Variants in KCTD14 observed in about 807,000 individuals in gnomAD.
The protein encoded by KCTD14 is potassium channel tetramerization domain containing 14, also known as BTB/POZ domain-containing protein KCTD14.
KCTD14 carries 7 observed loss-of-function variants against 5.9 expected under a neutral mutation model. The ratio of observed to expected loss-of-function variants is 1.19; its 90% CI spans 0.68 to 2.23. The LOEUF (loss-of-function observed/expected upper bound fraction) is 2.23. KCTD14 is among the 30% of genes most tolerant of loss of function. The pLI is 0.00. For synonymous variants in KCTD14, 140 were observed against 133.1 expected (o/e 1.05, Z -0.36); for missense variants, 342 against 332.2 (o/e 1.03, Z -0.23).
chr11:78,025,114 G>GTA (rs1311073204), upstream of KCTD14, among the ~76,000 whole-genome samples: 1,032 of 66,362 alleles, frequency 0.016, 8 homozygotes, highest in Non-Finnish European at 0.02. Context: ...GTGTGTGTGT[G>GTA]TGTGTATATA....
chr11:78,038,883 G>GAA, intron 1 of KCTD14: 1 of 1,147,050 alleles, frequency 8.7e-7, no homozygotes. Context: ...GGCTACTGCT[G>GAA]CTGTGGTCAC....
chr11:78,024,411 T>TATACACAC (rs1456026280), upstream of KCTD14, among the ~76,000 whole-genome samples: 2 of 116,850 alleles, frequency 1.7e-5, no homozygotes, highest in African/African-American at 6.4e-5. Context: ...TATATATATA[T>TATACACAC]ACACACACAC....
chr11:78,022,564 T>C (rs535763533), intron 1 of KCTD14, among the ~76,000 whole-genome samples: 2 of 152,238 alleles, frequency 1.3e-5, no homozygotes, highest in East Asian at 3.9e-4. Flanking sequence ...TGACTCTCAG[T>C]GCAGGAGAGA....
chr11:78,044,143 C>T (rs1858067828), intron 1 of KCTD14, among the ~76,000 whole-genome samples: 1 of 152,136 alleles, frequency 6.6e-6, no homozygotes, highest in African/African-American at 2.4e-5. Flanking sequence ...TGTTCCCCAG[C>T]CCACACCCCA....
chr11:78,017,292 T>A (rs1857195252), intron 1 of KCTD14, 22 bp from the exon 2 acceptor site: 2 of 1,559,746 alleles, frequency 1.3e-6, no homozygotes, highest in South Asian at 2.4e-5. Flanking sequence ...AGAGGCAGAG[T>A]AAACCAACAC....
At chr11:78,036,939 C>T (rs1477462712) in intron 2 of KCTD14, among the ~76,000 whole-genome samples, 3 of 152,220 alleles carry the variant, frequency 2.0e-5, no homozygotes, top group Non-Finnish European at 2.9e-5. Context: ...GCATTTTACA[C>T]AGTTTGTCTT....
At chr11:78,038,129 G>A (rs1857869425) in intron 2 of KCTD14, among the ~76,000 whole-genome samples, 1 of 152,036 alleles carries the variant, frequency 6.6e-6, no homozygotes, top group African/African-American at 2.4e-5. Flanking sequence ...CCCTTCCCAT[G>A]TAAGGGTTTC....
At chr11:78,042,738 G>C (rs1221697079) in intron 1 of KCTD14, among the ~76,000 whole-genome samples, 1 of 152,310 alleles carries the variant, frequency 6.6e-6, no homozygotes, top group Middle Eastern at 3.4e-3. Context: ...ATAGGCAAGA[G>C]AAAGGGAAAA....
chr11:78,025,160 G>A (rs2136720374), upstream of KCTD14, among the ~76,000 whole-genome samples: 1 of 104,892 alleles, frequency 9.5e-6, no homozygotes, highest in African/African-American at 3.5e-5. Context: ...ATATATAAAG[G>A]GGAGTTTATT....
At chr11:78,028,644 T>C (rs192609506) in intron 2 of KCTD14, among the ~76,000 whole-genome samples, 103 of 144,914 alleles carry the variant, frequency 7.1e-4, no homozygotes, top group African/African-American at 2.6e-3. Context: ...ACGTGACAAG[T>C]ATATTGTTAT....
upstream of KCTD14, among the ~76,000 whole-genome samples, chr11:78,026,879 A>T (rs539295713): frequency 6.6e-6 from 1 of 152,302 alleles, no homozygotes; most frequent in South Asian, 2.1e-4. Flanking sequence ...TGGGCAGATC[A>T]TTTGAGGTCA....
At chr11:78,026,424 T>C (rs184673025), upstream of KCTD14, among the ~76,000 whole-genome samples, 20 of 151,488 alleles carry the variant, frequency 1.3e-4, no homozygotes, top group East Asian at 3.3e-3. Flanking sequence ...GCCTGGAAGA[T>C]AGAGTGAGAC....
intron 2 of KCTD14, among the ~76,000 whole-genome samples, chr11:78,029,996 G>A (rs1857571553): frequency 6.6e-6 from 1 of 152,020 alleles, no homozygotes; most frequent in Non-Finnish European, 1.5e-5. Flanking sequence ...GTGTTAGCCA[G>A]GATGGTCTCG....
intron 2 of KCTD14, among the ~76,000 whole-genome samples, chr11:78,029,692 A>G (rs1490268560): frequency 2.0e-5 from 3 of 152,190 alleles, no homozygotes; most frequent in Non-Finnish European, 2.9e-5. Flanking sequence ...ATTTGCATAA[A>G]GTTCAGCCAG....
upstream of KCTD14, chr11:78,023,446 A>G (rs1857362681): frequency 3.5e-6 from 2 of 577,080 alleles, no homozygotes; most frequent in Non-Finnish European, 6.1e-6. Flanking sequence ...TTGGAGACCG[A>G]GAAATGGAGC....
At chr11:78,023,092 G>C in intron 1 of KCTD14, 68 bp downstream of exon 1, 1 of 1,077,692 alleles carries the variant, frequency 9.3e-7, no homozygotes, top group Non-Finnish European at 1.3e-6. Flanking sequence ...GAAACTGGAA[G>C]GGAGGGAAGA....
intron 2 of KCTD14, among the ~76,000 whole-genome samples, chr11:78,033,397 A>G (rs1857684003): frequency 6.6e-6 from 1 of 152,128 alleles, no homozygotes; most frequent in African/African-American, 2.4e-5. Flanking sequence ...TAACAAAGAC[A>G]GGGGCAGGGC....
At chr11:78,033,904 T>C (rs1320255196) in intron 2 of KCTD14, among the ~76,000 whole-genome samples, 4 of 136,634 alleles carry the variant, frequency 2.9e-5, no homozygotes, top group African/African-American at 3.2e-5. Flanking sequence ...TGTGTGTGTA[T>C]ATATATATAT....
intron 2 of KCTD14, among the ~76,000 whole-genome samples, chr11:78,029,007 A>G (rs1460418556): frequency 6.6e-6 from 1 of 152,022 alleles, no homozygotes; most frequent in Non-Finnish European, 1.5e-5. Context: ...CAATATGGTG[A>G]AACCCCATCT....
Sources: gnomAD v4.1 joint callset for allele counts (sites outside exome capture counted in the v4.1 genomes callset) on GRCh38, gnomAD v4.1.1 for gene constraint, MANE v1.5 for transcripts, NCBI Gene and HGNC (gene_info 2026-07-23, HGNC 2026-07-21) for gene names.